IQSEC1: variants seen among roughly 807,000 people sequenced by gnomAD.
IQSEC1 encodes IQ motif and Sec7 domain ArfGEF 1, also known as IQ motif and SEC7 domain-containing protein 1.
In IQSEC1, 31 loss-of-function variants were observed where a neutral mutation model predicts 91.0. The observed-to-expected ratio is 0.34, with a 90% CI of 0.26 to 0.46. IQSEC1 has a LOEUF of 0.46. Among genes scored for constraint, IQSEC1 ranks in the 20% least tolerant of loss-of-function variants. The pLI is 1.00. For missense variants in IQSEC1, 1,388 were observed against 1,575.6 expected, an observed-to-expected ratio of 0.88 and a Z score of 2.02; for synonymous variants, 699 against 662.6, an observed-to-expected ratio of 1.05 and a Z score of -0.84.
chr3:13,237,390 G>A (rs1017256884), intron 1 of IQSEC1, among the ~76,000 whole-genome samples: 8 of 152,190 alleles, frequency 5.3e-5, no homozygotes, highest in Non-Finnish European at 1.2e-4. Context: ...CTCCACCATG[G>A]TCTCAGGACA....
rs116512478 is a variant in IQSEC1, at chr3:13,117,205, G to A, written c.302+46899C>T. Among the ~76,000 whole-genome samples, 887 of 150,412 alleles carry A rather than the reference G, an allele frequency of 5.9e-3. 10 individuals carry two copies. Among genetic ancestry groups the A allele is most frequent in the African/African-American group, 0.02 (795 of 40,744 alleles). On this transcript the variant is annotated intron_variant, in intron 2 of 15. Transcript: ENST00000648114. The stretch of plus-strand genomic sequence containing the variant: ...AAAAAAGATACACAAATGGCCCATA[G>A]GCACATGAGATGATGTTCAACATCA...
At chr3:13,127,178 C>T (rs1023051452) in intron 2 of IQSEC1, among the ~76,000 whole-genome samples, 2 of 151,816 alleles carry the variant, frequency 1.3e-5, no homozygotes, top group South Asian at 2.1e-4. Flanking sequence ...TTTGGGAGGC[C>T]GAGGCAGGTG....
At chr3:13,088,912 T>G (rs1214895410) in intron 2 of IQSEC1, among the ~76,000 whole-genome samples, 5 of 152,232 alleles carry the variant, frequency 3.3e-5, no homozygotes, top group Admixed American at 3.3e-4. Flanking sequence ...ACTCCTTTAT[T>G]GCAGATCCTA....
chr3:12,941,494 T>C, intron 2 of IQSEC1, 77 bp downstream of exon 2: 1 of 1,364,096 alleles, frequency 7.3e-7, no homozygotes, highest in Non-Finnish European at 9.9e-7. Flanking sequence ...TCTGCCACCA[T>C]GCCTGGTGGG....
At chr3:12,913,379 G>GCTCA in intron 9 of IQSEC1, 49 bp downstream of exon 9, 1 of 1,535,808 alleles carries the variant, frequency 6.5e-7, no homozygotes, top group Non-Finnish European at 8.8e-7. Flanking sequence ...TGGACCCTGG[G>GCTCA]CTCAGGCTTG....
At chr3:13,066,984 C>T (rs574542506) in intron 1 of IQSEC1, among the ~76,000 whole-genome samples, 1 of 152,346 alleles carries the variant, frequency 6.6e-6, no homozygotes, top group South Asian at 2.1e-4. Context: ...CCACTCCTCC[C>T]ACTCCCAGTC....
Position 12,936,531 on chromosome 3 carries a change from C to T in IQSEC1, c.485G>A (p.Arg162Lys). The change falls in exon 3 of 14, where the codon AGG becomes AAG. Residue 162 changes from arginine to lysine, a missense_variant. By Grantham distance (26) the Arg-to-Lys change is conservative. Transcript: ENST00000613206. ...MSRRIVLSNMRMQFSFEGPEK... is the reference protein window; with the variant it reads ...MSRRIVLSNMKMQFSFEGPEK... ...AGGCCCCTCAAAGGAGAACTGCATC[C>T]TCATGTTGGACAGCACAATCCGGCG... The T allele has an allele frequency of 6.2e-7, 1 of 1,613,498 alleles. No homozygotes were observed. Among genetic ancestry groups the T allele is most frequent in the Non-Finnish European group, 8.5e-7 (1 of 1,180,032 alleles).
Position 12,920,427 on chromosome 3 carries a change from C to T in IQSEC1, c.2020+3G>A. 1 of 1,613,066 alleles carries T rather than the reference C, an allele frequency of 6.2e-7. No homozygotes were observed. On this transcript the variant is annotated splice_donor_region_variant and intron_variant, in intron 6 of 13. Transcript: ENST00000613206. Reference sequence around the variant, plus strand: ...GGCTGGCCGACCGCCTGAGACAGCTCACCTCGGAGGTTCTTGATGAAGTCC... The same window carrying T: ...GGCTGGCCGACCGCCTGAGACAGCTTACCTCGGAGGTTCTTGATGAAGTCC...
At chr3:13,016,778 C>T (rs1304492205) in intron 1 of IQSEC1, among the ~76,000 whole-genome samples, 1 of 152,248 alleles carries the variant, frequency 6.6e-6, no homozygotes, top group Admixed American at 6.5e-5. Context: ...CACCATACAA[C>T]TCACCCATTT....
At chr3:13,206,201 C>T (rs1038158583) in intron 1 of IQSEC1, among the ~76,000 whole-genome samples, 4 of 151,772 alleles carry the variant, frequency 2.6e-5, no homozygotes, top group Non-Finnish European at 5.9e-5. Context: ...ATCCACCCCT[C>T]CATCCACCCA....
At chr3:13,065,910 G>T (rs1393213477) in intron 1 of IQSEC1, among the ~76,000 whole-genome samples, 1 of 151,846 alleles carries the variant, frequency 6.6e-6, no homozygotes, top group South Asian at 2.1e-4. Flanking sequence ...GCTTTAAAAA[G>T]GAAGTTCTGC....
At chr3:13,011,709 G>A (rs561649283) in intron 1 of IQSEC1, among the ~76,000 whole-genome samples, 9 of 152,332 alleles carry the variant, frequency 5.9e-5, no homozygotes, top group Admixed American at 3.9e-4. Flanking sequence ...GGCCTCTGGC[G>A]TCACATTTCA....
intron 1 of IQSEC1, among the ~76,000 whole-genome samples, chr3:13,252,271 A>C (rs7643726): frequency 0.81 from 123,586 of 152,064 alleles, 50,917 homozygotes; most frequent in East Asian, 1. Flanking sequence ...ACTCCAGGAC[A>C]CTCTTTATAA....
intron 2 of IQSEC1, among the ~76,000 whole-genome samples, chr3:13,138,499 ACTAT>A (rs1334532866): frequency 6.6e-6 from 1 of 151,524 alleles, no homozygotes; most frequent in East Asian, 2.0e-4. Context: ...CTGCCCACCC[ACTAT>A]CTGTCCAGGC....
At chr3:13,208,990 T>C (rs1186148930) in intron 1 of IQSEC1, among the ~76,000 whole-genome samples, 1 of 152,056 alleles carries the variant, frequency 6.6e-6, no homozygotes, top group Non-Finnish European at 1.5e-5. Flanking sequence ...AAGGAAGCAG[T>C]GTGTGAACCA....
chr3:13,257,703 T>C (rs1373781518), intron 1 of IQSEC1, among the ~76,000 whole-genome samples: 1 of 152,024 alleles, frequency 6.6e-6, no homozygotes, highest in Non-Finnish European at 1.5e-5. Flanking sequence ...CTTAAAGGGG[T>C]CCAAAATCTA....
chr3:12,949,184 C>G (rs770599996), intron 1 of IQSEC1, among the ~76,000 whole-genome samples: 1 of 152,260 alleles, frequency 6.6e-6, no homozygotes, highest in African/African-American at 2.4e-5. Flanking sequence ...CATGCCTCTC[C>G]TGCCCAGCTG....
chr3:12,955,237 T>A (rs1699825918), intron 1 of IQSEC1, among the ~76,000 whole-genome samples: 1 of 152,226 alleles, frequency 6.6e-6, no homozygotes, highest in African/African-American at 2.4e-5. Flanking sequence ...ACTACCAAGA[T>A]CAGCCCCACC....
intron 1 of IQSEC1, among the ~76,000 whole-genome samples, chr3:13,224,576 C>T (rs1048683866): frequency 1.3e-5 from 2 of 152,120 alleles, no homozygotes; most frequent in South Asian, 2.1e-4. Context: ...ATCTGATCTC[C>T]GCAGTGCTCA....
Sources: gnomAD v4.1 joint callset for allele counts (sites outside exome capture counted in the v4.1 genomes callset) on GRCh38, gnomAD v4.1.1 for gene constraint, MANE v1.5 for transcripts, NCBI Gene and HGNC (gene_info 2026-07-23, HGNC 2026-07-21) for gene names.